TMEM132D: variants seen among roughly 807,000 people sequenced by gnomAD.
The protein encoded by TMEM132D is transmembrane protein 132D, also known as mature OL transmembrane protein.
In TMEM132D, 21 loss-of-function variants were observed where a neutral mutation model predicts 62.3. That is an observed-to-expected ratio of 0.34 (90% CI 0.24 to 0.49). TMEM132D has a LOEUF of 0.49. Among genes scored for constraint, TMEM132D ranks in the 20% least tolerant of loss-of-function variants. TMEM132D has a pLI of 0.99. For missense variants in TMEM132D, 1,346 were observed against 1,402.8 expected (o/e 0.96, Z 0.65); for synonymous variants, 621 against 575.6 (o/e 1.08, Z -1.13).
intron 3 of TMEM132D, among the ~76,000 whole-genome samples, chr12:129,421,886 G>C (rs746536964): frequency 6.6e-6 from 1 of 152,152 alleles, no homozygotes; most frequent in East Asian, 1.9e-4. Flanking sequence ...GTTTTAATTA[G>C]CATGCAATAA....
chr12:129,498,410 C>A (rs1159225825), intron 3 of TMEM132D, among the ~76,000 whole-genome samples: 1 of 152,064 alleles, frequency 6.6e-6, no homozygotes, highest in Non-Finnish European at 1.5e-5. Flanking sequence ...CACACCACCA[C>A]CCTCAGCTAA....
At position 129,377,399 on chromosome 12, in the gene TMEM132D, G is replaced by A. The variant is rs1034138466; in HGVS notation, c.1116-39582C>T. On this transcript the variant is annotated intron_variant, in intron 3 of 8. Transcript: ENST00000422113. ...TCTTTGGGGTTTGGGCATTTCCAAG[G>A]TGTCATAATTCAAGATGGGGTGTGA... Among the ~76,000 whole-genome samples the A allele has an allele frequency of 3.3e-5, 5 of 152,158 alleles. No individual in the cohort carries two copies. The East Asian group carries it at 9.6e-4, about 29-fold the overall frequency.
Position 129,582,623 on chromosome 12 carries a change from C to G in TMEM132D, c.969-51418G>C, listed in dbSNP as rs201182006. 6.1e-4 allele frequency among the ~76,000 whole-genome samples: 89 copies of G among 146,220 alleles called. 1 individual carries two copies. The highest frequency in any genetic ancestry group is 3.4e-3 in the Admixed American group (50 of 14,754). ...GACGTGAGACTCATTTTCTTTCTTTCTTTTTTTTTTTTTGAGACAGAGTCT... is the reference window on the plus strand; with the variant it reads ...GACGTGAGACTCATTTTCTTTCTTTGTTTTTTTTTTTTTGAGACAGAGTCT... On this transcript the variant is annotated intron_variant, in intron 2 of 8. Coordinates refer to ENST00000422113, the MANE Select transcript of TMEM132D (RefSeq NM_133448.3).
At chr12:129,671,538 A>AT (rs1880500355) in intron 2 of TMEM132D, among the ~76,000 whole-genome samples, 2 of 152,184 alleles carry the variant, frequency 1.3e-5, no homozygotes, top group Non-Finnish European at 2.9e-5. Flanking sequence ...AAATGTAAGA[A>AT]TATGAGAAAA....
intron 4 of TMEM132D, among the ~76,000 whole-genome samples, chr12:129,314,278 G>T (rs1390894373): frequency 6.6e-6 from 1 of 152,182 alleles, no homozygotes; most frequent in African/African-American, 2.4e-5. Context: ...AATCCATCCT[G>T]AGTTGACTTT....
At chr12:129,642,641 TA>T (rs975282539) in intron 2 of TMEM132D, among the ~76,000 whole-genome samples, 26 of 152,228 alleles carry the variant, frequency 1.7e-4, no homozygotes, top group African/African-American at 6.3e-4. Flanking sequence ...TCATTTACTA[TA>T]AAATGTGCAA....
chr12:129,632,241 G>A (rs565994256), intron 2 of TMEM132D, among the ~76,000 whole-genome samples: 76 of 152,202 alleles, frequency 5.0e-4, no homozygotes, highest in Non-Finnish European at 8.8e-4. Flanking sequence ...ATCATGCCTC[G>A]GTAAAAATCC....
intron 2 of TMEM132D, among the ~76,000 whole-genome samples, chr12:129,636,215 A>C (rs1879471563): frequency 6.6e-6 from 1 of 152,212 alleles, no homozygotes; most frequent in Non-Finnish European, 1.5e-5. Context: ...AGCCCTGGAG[A>C]GGGAAGGGGA....
intron 1 of TMEM132D, among the ~76,000 whole-genome samples, chr12:129,806,384 TC>T (rs1871981671): frequency 1.0e-5 from 1 of 97,260 alleles, no homozygotes; most frequent in Non-Finnish European, 2.1e-5. Flanking sequence ...TGAGTTCATG[TC>T]CTTTGTAGGG....
At chr12:129,114,087 C>T (rs575107036) in intron 5 of TMEM132D, among the ~76,000 whole-genome samples, 4 of 152,318 alleles carry the variant, frequency 2.6e-5, no homozygotes, top group African/African-American at 9.6e-5. Context: ...CAGCAACAGA[C>T]AGTCCAACAT....
At chr12:129,541,226 C>A (rs1876574175) in intron 2 of TMEM132D, among the ~76,000 whole-genome samples, 1 of 152,234 alleles carries the variant, frequency 6.6e-6, no homozygotes, top group South Asian at 2.1e-4. Flanking sequence ...CGCAGGCAGG[C>A]AGAAGGGAAA....
chr12:129,391,647 T>A (rs1871292847), intron 3 of TMEM132D, among the ~76,000 whole-genome samples: 1 of 152,212 alleles, frequency 6.6e-6, no homozygotes, highest in South Asian at 2.1e-4. Flanking sequence ...CACATTAAAA[T>A]CATCAGCAGT....
intron 4 of TMEM132D, among the ~76,000 whole-genome samples, chr12:129,327,180 C>T (rs1452318559): frequency 6.6e-6 from 1 of 152,096 alleles, no homozygotes; most frequent in Non-Finnish European, 1.5e-5. Context: ...CTCTCAGTGC[C>T]TTACATTGGC....
chr12:129,581,124 G>A (rs747047221), intron 2 of TMEM132D, among the ~76,000 whole-genome samples: 3 of 152,090 alleles, frequency 2.0e-5, no homozygotes, highest in African/African-American at 7.2e-5. Flanking sequence ...TAGTTCCCTC[G>A]AGAGTTCTTT....
At chr12:129,173,453 C>G (rs2135547483) in intron 5 of TMEM132D, among the ~76,000 whole-genome samples, 1 of 152,332 alleles carries the variant, frequency 6.6e-6, no homozygotes, top group South Asian at 2.1e-4. Context: ...CAGCCTCTGT[C>G]TAGCTGGCTC....
At chr12:129,142,153 A>T (rs537392694) in intron 5 of TMEM132D, among the ~76,000 whole-genome samples, 27 of 152,084 alleles carry the variant, frequency 1.8e-4, no homozygotes, top group Non-Finnish European at 3.2e-4. Context: ...ATTCCCTTCC[A>T]TGTGAGTATA....
chr12:129,433,877 G>C (rs1009478125), intron 3 of TMEM132D, among the ~76,000 whole-genome samples: 1 of 152,158 alleles, frequency 6.6e-6, no homozygotes, highest in Admixed American at 6.5e-5. Context: ...GGCCTGAAGA[G>C]ACCATATGCC....
intron 5 of TMEM132D, among the ~76,000 whole-genome samples, chr12:129,202,639 G>A (rs1479849970): frequency 6.6e-6 from 1 of 152,086 alleles, no homozygotes; most frequent in East Asian, 1.9e-4. Flanking sequence ...TGAGCCAATG[G>A]CACGTCCAGA....
intron 3 of TMEM132D, among the ~76,000 whole-genome samples, chr12:129,469,984 T>C (rs1376318190): frequency 6.6e-6 from 1 of 152,112 alleles, no homozygotes; most frequent in Non-Finnish European, 1.5e-5. Context: ...GAAAAGGTAT[T>C]GACTATGTAA....
Sources: allele counts gnomAD v4.1 joint callset (sites outside exome capture counted in the v4.1 genomes callset), GRCh38; gene constraint gnomAD v4.1.1; transcripts MANE v1.5; gene names NCBI Gene and HGNC (gene_info 2026-07-23, HGNC 2026-07-21).